CTNND2: variants seen among roughly 807,000 people sequenced by gnomAD.
The protein encoded by CTNND2 is catenin delta 2.
A neutral mutation model predicts 144.4 loss-of-function variants in CTNND2; 22 were observed. The observed-to-expected ratio is 0.15, with a 90% CI of 0.11 to 0.22. CTNND2 has a LOEUF of 0.22. Among genes scored for constraint, CTNND2 ranks in the 10% least tolerant of loss-of-function variants. The pLI is 1.00. For synonymous variants in CTNND2, 751 were observed against 695.6 expected (o/e 1.08, Z -1.25); for missense variants, 1,353 against 1,618.8 (o/e 0.84, Z 2.82).
rs1257874954 is a variant in CTNND2, at chr5:11,330,494, A to G, written c.1628+15878T>C. ...GAGAGACTCCGTCTCAAAAAAAAAA[A>G]AAAAAAAAAAAAAAAGAAAGGAAAA... On this transcript the variant is annotated intron_variant, in intron 9 of 21. Coordinates refer to ENST00000304623, the MANE Select transcript of CTNND2 (RefSeq NM_001332.4). Among the ~76,000 whole-genome samples, 22 of 149,012 alleles carry G rather than the reference A, an allele frequency of 1.5e-4. 1 individual carries two copies. The highest frequency in any genetic ancestry group is 5.2e-4 in the African/African-American group (21 of 40,730).
intron 1 of CTNND2, among the ~76,000 whole-genome samples, chr5:11,740,229 C>A (rs1787926033): frequency 1.3e-5 from 2 of 152,188 alleles, no homozygotes; most frequent in Non-Finnish European, 2.9e-5. Flanking sequence ...CCCACACAGT[C>A]AAGACAATCC....
rs374857041 is a variant in CTNND2, at chr5:11,016,775, A to G, written c.3084+1199T>C. Among the ~76,000 whole-genome samples, 74 of 151,554 alleles carry G rather than the reference A, an allele frequency of 4.9e-4. 2 individuals carry two copies. In the South Asian group the frequency reaches 0.015, roughly 30 times the overall value. ...ATTGGTGATGTCCTCTATCCCCTAT[A>G]TATTTTTTTTTTTGAGATGGAGTCT... On this transcript the variant is annotated intron_variant, in intron 18 of 21. Transcript: ENST00000304623.
At chr5:11,039,779 A>G (rs977931259) in intron 16 of CTNND2, among the ~76,000 whole-genome samples, 3 of 152,160 alleles carry the variant, frequency 2.0e-5, no homozygotes, top group East Asian at 3.8e-4. Flanking sequence ...AAACAAGTAC[A>G]GGCCAGGCAC....
intron 2 of CTNND2, among the ~76,000 whole-genome samples, chr5:11,731,141 T>C (rs1019624208): frequency 3.3e-5 from 5 of 152,168 alleles, no homozygotes; most frequent in African/African-American, 1.2e-4. Flanking sequence ...CTCCCTTGAG[T>C]ACCTACTTAG....
chr5:11,851,859 C>T (rs1347724009), intron 1 of CTNND2, among the ~76,000 whole-genome samples: 2 of 152,204 alleles, frequency 1.3e-5, no homozygotes, highest in Admixed American at 6.5e-5. Context: ...TTTTAATCAG[C>T]AGTTAGGGCA....
intron 16 of CTNND2, among the ~76,000 whole-genome samples, chr5:11,047,257 G>A (rs1415620247): frequency 6.6e-6 from 1 of 152,206 alleles, no homozygotes; most frequent in Non-Finnish European, 1.5e-5. Flanking sequence ...GCCTGTCCAG[G>A]AGGATGATGT....
At chr5:11,799,818 A>G (rs1282858894) in intron 1 of CTNND2, among the ~76,000 whole-genome samples, 1 of 152,208 alleles carries the variant, frequency 6.6e-6, no homozygotes, top group Admixed American at 6.5e-5. Flanking sequence ...ACAGATAAAA[A>G]TGAGGCATGA....
intron 3 of CTNND2, among the ~76,000 whole-genome samples, chr5:11,467,976 C>T (rs538885160): frequency 2.3e-4 from 35 of 152,318 alleles, no homozygotes; most frequent in African/African-American, 6.5e-4. Context: ...TACTGTTCTT[C>T]CTCTTCTGAC....
At chr5:11,109,503 G>C (rs1452905201) in intron 14 of CTNND2, among the ~76,000 whole-genome samples, 1 of 151,890 alleles carries the variant, frequency 6.6e-6, no homozygotes, top group Non-Finnish European at 1.5e-5. Flanking sequence ...TAAATTTCTG[G>C]ACTAGAAAAA....
chr5:11,128,769 T>A (rs374379335), intron 12 of CTNND2, among the ~76,000 whole-genome samples: 4 of 32,174 alleles, frequency 1.2e-4, no homozygotes, highest in South Asian at 1.0e-3. Context: ...AATATATATA[T>A]TATATATAAA....
intron 15 of CTNND2, among the ~76,000 whole-genome samples, chr5:11,093,864 G>C (rs1751039376): frequency 6.6e-6 from 1 of 152,038 alleles, no homozygotes; most frequent in Non-Finnish European, 1.5e-5. Flanking sequence ...GGATTTATCT[G>C]TTTGGTTTCT....
intron 5 of CTNND2, among the ~76,000 whole-genome samples, chr5:11,405,985 C>G (rs1761069050): frequency 6.6e-6 from 1 of 152,064 alleles, no homozygotes; most frequent in African/African-American, 2.4e-5. Flanking sequence ...CCCGTCTCTA[C>G]TAAAAATACA....
chr5:10,982,542 C>T (rs1028092468), intron 20 of CTNND2, among the ~76,000 whole-genome samples: 8 of 152,270 alleles, frequency 5.3e-5, no homozygotes, highest in Non-Finnish European at 7.3e-5. Flanking sequence ...AAGCCACCCA[C>T]TCAGAGGAAG....
At chr5:11,584,427 G>C (rs879526919) in intron 2 of CTNND2, among the ~76,000 whole-genome samples, 2 of 138,452 alleles carry the variant, frequency 1.4e-5, no homozygotes, top group Non-Finnish European at 1.6e-5. Flanking sequence ...ATTTTTTTTG[G>C]GGGGGGGGAG....
chr5:11,382,180 C>A (rs998695360), intron 7 of CTNND2, among the ~76,000 whole-genome samples: 1 of 152,138 alleles, frequency 6.6e-6, no homozygotes, highest in African/African-American at 2.4e-5. Flanking sequence ...CCTTCCCTGG[C>A]CATCTATCAT....
intron 3 of CTNND2, among the ~76,000 whole-genome samples, chr5:11,519,507 GTTT>G (rs33945163): frequency 7.1e-6 from 1 of 140,890 alleles, no homozygotes; most frequent in African/African-American, 2.6e-5. Flanking sequence ...TCTTTTGTGG[GTTT>G]TTTTTTTTTT....
chr5:11,775,708 CTG>C (rs1790214353), intron 1 of CTNND2, among the ~76,000 whole-genome samples: 2 of 152,184 alleles, frequency 1.3e-5, no homozygotes, highest in South Asian at 4.1e-4. Context: ...GGAAGGGACT[CTG>C]AGTAGAGTAT....
chr5:11,354,884 G>C (rs1580996785), intron 8 of CTNND2, among the ~76,000 whole-genome samples: 1 of 152,110 alleles, frequency 6.6e-6, no homozygotes, highest in Non-Finnish European at 1.5e-5. Context: ...AGAAGACAGA[G>C]TCAACATCAA....
At chr5:11,646,137 A>C (rs1373672115) in intron 2 of CTNND2, among the ~76,000 whole-genome samples, 1 of 151,478 alleles carries the variant, frequency 6.6e-6, no homozygotes, top group East Asian at 1.9e-4. Context: ...CTCTCAGTCC[A>C]TGAGCCCATG....
Sources: allele counts gnomAD v4.1 joint callset (sites outside exome capture counted in the v4.1 genomes callset), GRCh38; gene constraint gnomAD v4.1.1; transcripts MANE v1.5; gene names NCBI Gene and HGNC (gene_info 2026-07-23, HGNC 2026-07-21).